The following IFT25 variants were observed in gnomAD, a reference collection of about 807,000 sequenced individuals.
IFT25 encodes intraflagellar transport 25, also known as intraflagellar transport protein 25 homolog.
chr1:53,940,910 T>C, the IFT25 span, among the ~76,000 whole-genome samples: 1 of 151,866 alleles, frequency 6.6e-6, no homozygotes, highest in East Asian at 1.9e-4. Flanking sequence ...CCAGGTGTGG[T>C]GGCTTATGCA....
the IFT25 span, chr1:53,930,151 GTTAATT>G: frequency 6.5e-7 from 1 of 1,542,394 alleles, no homozygotes; most frequent in South Asian, 1.3e-5. Context: ...GATTCCTATT[GTTAATT>G]TTAAAGAAAA....
the IFT25 span, among the ~76,000 whole-genome samples, chr1:53,914,429 T>A: frequency 1.3e-5 from 2 of 152,074 alleles, no homozygotes; most frequent in African/African-American, 4.8e-5. Flanking sequence ...CTTTACCCCA[T>A]CATCTTTAAC....
chr1:53,938,749 G>A, the IFT25 span, among the ~76,000 whole-genome samples: 1 of 152,042 alleles, frequency 6.6e-6, no homozygotes, highest in Non-Finnish European at 1.5e-5. Context: ...CAAGAAAGAG[G>A]GTTCAAGAAA....
the IFT25 span, among the ~76,000 whole-genome samples, chr1:53,935,321 T>A: frequency 6.6e-6 from 1 of 152,214 alleles, no homozygotes; most frequent in Admixed American, 6.5e-5. Flanking sequence ...AAAGACCACA[T>A]GTGTATGGTT....
chr1:53,918,741 T>C, the IFT25 span, among the ~76,000 whole-genome samples: 1 of 152,196 alleles, frequency 6.6e-6, no homozygotes, highest in South Asian at 2.1e-4. Context: ...GAGTACTTCA[T>C]AGGCTGGTCT....
chr1:53,920,635 T>C, the IFT25 span, among the ~76,000 whole-genome samples: 2 of 152,194 alleles, frequency 1.3e-5, no homozygotes, highest in Admixed American at 6.5e-5. Flanking sequence ...TCACTGCTTC[T>C]AGATCTTTTC....
the IFT25 span, chr1:53,923,614 T>TGAAA: frequency 1.7e-5 from 5 of 300,402 alleles, no homozygotes; most frequent in African/African-American, 6.6e-5. Context: ...CAGAATCAAA[T>TGAAA]GAAAGAAAGC....
At chr1:53,935,206 G>C in the IFT25 span, among the ~76,000 whole-genome samples, 905 of 152,210 alleles carry the variant, frequency 5.9e-3, 8 homozygotes, top group African/African-American at 0.021. Context: ...CCAGCTACTC[G>C]GGAGGCTGAG....
the IFT25 span, among the ~76,000 whole-genome samples, chr1:53,934,835 C>T: frequency 2.6e-5 from 4 of 152,082 alleles, no homozygotes; most frequent in East Asian, 7.7e-4. Flanking sequence ...CCTGTCTCTA[C>T]TAAAAATACA....
chr1:53,928,204 T>C, the IFT25 span, among the ~76,000 whole-genome samples: 1 of 152,186 alleles, frequency 6.6e-6, no homozygotes, highest in Non-Finnish European at 1.5e-5. Context: ...AACCAGTAAA[T>C]GAAGAAGCAG....
the IFT25 span, chr1:53,929,956 T>C: frequency 7.0e-7 from 1 of 1,438,342 alleles, no homozygotes; most frequent in Middle Eastern, 2.4e-4. Flanking sequence ...GTGGAAAAAA[T>C]GAAAGGATAA....
chr1:53,921,447 T>C, the IFT25 span: 2 of 513,540 alleles, frequency 3.9e-6, no homozygotes, highest in South Asian at 2.4e-5. Flanking sequence ...TTAAGCTATA[T>C]ACTGAAGCCA....
chr1:53,936,043 T>C, the IFT25 span, among the ~76,000 whole-genome samples: 1 of 151,372 alleles, frequency 6.6e-6, no homozygotes, highest in African/African-American at 2.4e-5. Context: ...GGGCTGATTA[T>C]GAGGCCAGGA....
the IFT25 span, among the ~76,000 whole-genome samples, chr1:53,938,683 G>A: frequency 2.6e-5 from 4 of 152,066 alleles, no homozygotes; most frequent in Admixed American, 6.6e-5. Context: ...CATAAGTCCC[G>A]CCAGTCCTAC....
chr1:53,936,286 T>C, the IFT25 span, among the ~76,000 whole-genome samples: 1 of 151,716 alleles, frequency 6.6e-6, no homozygotes, highest in African/African-American at 2.4e-5. Flanking sequence ...AGATTCCATC[T>C]CAAAAAAACA....
the IFT25 span, chr1:53,929,982 T>C: frequency 3.3e-6 from 5 of 1,501,902 alleles, no homozygotes; most frequent in African/African-American, 6.0e-5. Flanking sequence ...ACTAAAATAT[T>C]AGCCTTACCT....
At chr1:53,919,901 C>T in the IFT25 span, among the ~76,000 whole-genome samples, 1 of 151,954 alleles carries the variant, frequency 6.6e-6, no homozygotes, top group Admixed American at 6.6e-5. Context: ...GCAAACCTAC[C>T]ACCTCAGCCT....
chr1:53,919,618 T>C, the IFT25 span, among the ~76,000 whole-genome samples: 2 of 152,312 alleles, frequency 1.3e-5, no homozygotes, highest in Admixed American at 6.5e-5. Flanking sequence ...CCACTATGCT[T>C]TGAAGTGGTT....
At chr1:53,930,563 T>C in the IFT25 span, among the ~76,000 whole-genome samples, 1 of 152,200 alleles carries the variant, frequency 6.6e-6, no homozygotes, top group African/African-American at 2.4e-5. Context: ...GGTTTTTTTT[T>C]TACCTGAAAA....
Sources: allele counts gnomAD v4.1 joint callset (sites outside exome capture counted in the v4.1 genomes callset), GRCh38; gene constraint gnomAD v4.1.1; transcripts MANE v1.5; gene names NCBI Gene and HGNC (gene_info 2026-07-23, HGNC 2026-07-21).